RPN1: variants seen among roughly 807,000 people sequenced by gnomAD.
RPN1 encodes the protein dolichyl-diphosphooligosaccharide--protein glycosyltransferase subunit 1.
RPN1 carries 12 observed loss-of-function variants against 55.5 expected under a neutral mutation model. That is an observed-to-expected ratio of 0.22 (90% confidence interval 0.14 to 0.35). The LOEUF is 0.35. Ranked by LOEUF, RPN1 falls within the 10% of genes least tolerant of loss-of-function variation. RPN1 has a pLI of 1.00. For missense variants in RPN1, 679 were observed against 761.3 expected (o/e 0.89, Z 1.27); for synonymous variants, 317 against 305.9 (o/e 1.04, Z -0.38).
In RPN1 at chr3:128,632,129, T is replaced by C. The variant is rs759408661; in HGVS notation, c.662A>G (p.Asn221Ser). 4.3e-6 allele frequency: 7 copies of C among 1,614,212 alleles called. No individual in the cohort carries two copies. The highest frequency in any genetic ancestry group is 5.1e-6 in the Non-Finnish European group (6 of 1,180,044). The change falls in exon 4 of 10, where the codon AAC (asparagine) becomes AGC (serine). Residue 221 changes from asparagine to serine, a missense_variant. Around this residue, in one of 3 missense-constraint regions of RPN1, gnomAD observed 352 missense variants for 352.8 expected, o/e 1.00. Transcript: ENST00000296255. ...QDTFKVHYEN[N>S]SPFLTITSMT... ...GCTGGTGATGGTCAGGAAAGGGCTG[T>C]TGTTCTCATAATGTACTTTAAAAGT... is the stretch of plus-strand genomic sequence containing the variant.
intron 4 of RPN1, among the ~76,000 whole-genome samples, chr3:128,630,515 G>A (rs1160949697): frequency 6.6e-6 from 1 of 152,132 alleles, no homozygotes; most frequent in East Asian, 1.9e-4. Context: ...GTTACAGAAA[G>A]GGTTTTTCTA....
chr3:128,644,776 T>C (rs2069754217), intron 2 of RPN1, 143 bp downstream of exon 2: 3 of 648,670 alleles, frequency 4.6e-6, no homozygotes, highest in Admixed American at 2.7e-5. Flanking sequence ...CTGGGCAACA[T>C]AGCTAGACCT....
chr3:128,636,452 C>T (rs988037953), intron 3 of RPN1, among the ~76,000 whole-genome samples: 15 of 146,100 alleles, frequency 1.0e-4, no homozygotes, highest in African/African-American at 3.3e-4. Context: ...CAGATCAAGA[C>T]TCCTTCTCAA....
Position 128,620,267 on chromosome 3 carries a change from G to T in RPN1, c.*144C>A. 1.9e-6 allele frequency: 1 copy of T among 521,984 alleles called. No individual in the cohort carries two copies. Among genetic ancestry groups the T allele is most frequent in the Non-Finnish European group, 3.1e-6 (1 of 322,084 alleles). The allele number at this position is 521,984 out of a possible 1,614,324, so 32.3% of individuals were successfully genotyped here. ...AAACGGCAAACTCACACTGCCTGACGCAGGGCCTGGTTTCTCTTCCTTGAA... is the reference window on the plus strand; with the variant it reads ...AAACGGCAAACTCACACTGCCTGACTCAGGGCCTGGTTTCTCTTCCTTGAA... On this transcript the variant is annotated 3_prime_UTR_variant, in exon 10 of 10. Transcript: ENST00000296255.
intron 8 of RPN1, among the ~76,000 whole-genome samples, chr3:128,623,400 T>C (rs1459419531): frequency 6.6e-6 from 1 of 151,980 alleles, no homozygotes; most frequent in Admixed American, 6.5e-5. Flanking sequence ...TAGCCGGGCA[T>C]GGTGGTGCAT....
At chr3:128,632,250 G>A in intron 3 of RPN1, 93 bp from the exon 4 acceptor site, 1 of 1,085,118 alleles carries the variant, frequency 9.2e-7, no homozygotes, top group Non-Finnish European at 1.4e-6. Context: ...CTATATATCA[G>A]CAACAGAACG....
intron 2 of RPN1, among the ~76,000 whole-genome samples, chr3:128,641,552 T>C (rs2069724839): frequency 6.6e-6 from 1 of 151,962 alleles, no homozygotes; most frequent in Admixed American, 6.6e-5. Flanking sequence ...TAATTCAAAA[T>C]TTATTAAGTG....
At chr3:128,646,503 T>C (rs2069769712) in intron 1 of RPN1, among the ~76,000 whole-genome samples, 2 of 151,610 alleles carry the variant, frequency 1.3e-5, no homozygotes, top group Admixed American at 1.3e-4. Flanking sequence ...CTGGCCAATA[T>C]AGTGAAACTT....
intron 2 of RPN1, among the ~76,000 whole-genome samples, chr3:128,639,024 G>T (rs1230155875): frequency 6.6e-6 from 1 of 152,068 alleles, no homozygotes; most frequent in African/African-American, 2.4e-5. Flanking sequence ...TAGAAATATG[G>T]CTTCACACAA....
Position 128,647,887 on chromosome 3 carries a change from G to A in RPN1, c.261+2653C>T, listed in dbSNP as rs2069780653. 2.6e-5 allele frequency among the ~76,000 whole-genome samples: 4 copies of A among 152,106 alleles called. No homozygotes were observed. The South Asian group carries it at 8.3e-4, about 32-fold the overall frequency. On this transcript the variant is annotated intron_variant, in intron 1 of 9. Coordinates refer to ENST00000296255, the MANE Select transcript of RPN1 (RefSeq NM_002950.4). ...AGATGGGTCCTTGGTGGTAAAAAGA[G>A]AAGCAACCACTGGCTCCTAGTCAGT... is the stretch of plus-strand genomic sequence containing the variant.
intron 6 of RPN1, 45 bp downstream of exon 6, chr3:128,626,688 C>T (rs2069602079): frequency 1.3e-6 from 2 of 1,553,618 alleles, no homozygotes; most frequent in Non-Finnish European, 8.9e-7. Context: ...CACAAGGGTA[C>T]AACCAGAGAA....
chr3:128,650,459 G>A, intron 1 of RPN1, 81 bp downstream of exon 1: 1 of 1,381,422 alleles, frequency 7.2e-7, no homozygotes, highest in Admixed American at 2.3e-5. Context: ...GCCTAGAGGG[G>A]CGCGGGCGGA....
intron 2 of RPN1, among the ~76,000 whole-genome samples, chr3:128,641,401 T>C (rs748872076): frequency 1.3e-5 from 2 of 152,124 alleles, no homozygotes; most frequent in African/African-American, 2.4e-5. Flanking sequence ...CAACCCACCC[T>C]ACACAGCTTC....
At chr3:128,650,389 G>T in intron 1 of RPN1, 151 bp downstream of exon 1, 1 of 738,820 alleles carries the variant, frequency 1.4e-6, no homozygotes, top group Non-Finnish European at 2.0e-6. Flanking sequence ...CGCGGGCCCC[G>T]AGGCAATCCC....
At chr3:128,625,107 G>C (rs890004573) in intron 8 of RPN1, among the ~76,000 whole-genome samples, 1 of 152,196 alleles carries the variant, frequency 6.6e-6, no homozygotes, top group Admixed American at 6.5e-5. Context: ...AGGGAGCAGA[G>C]AGTGGGAGTG....
intron 1 of RPN1, 88 bp from the exon 2 acceptor site, chr3:128,645,071 C>A (rs2069756557): frequency 2.7e-6 from 2 of 750,670 alleles, no homozygotes; most frequent in African/African-American, 1.8e-5. Flanking sequence ...AGAACATCCC[C>A]ATTAAAGCAG....
chr3:128,628,282 C>T (rs2069615509), intron 5 of RPN1, among the ~76,000 whole-genome samples: 1 of 73,478 alleles, frequency 1.4e-5, no homozygotes, highest in African/African-American at 5.3e-5. Context: ...GCCTGGGCAA[C>T]AAAGTGAGAC....
chr3:128,644,652 T>G (rs1235109270), intron 2 of RPN1: 10 of 577,028 alleles, frequency 1.7e-5, no homozygotes, highest in Non-Finnish European at 3.2e-5. Flanking sequence ...AGACCCTGTC[T>G]CAAGAAAAAA....
intron 6 of RPN1, 40 bp downstream of exon 6, chr3:128,626,693 A>C: frequency 6.4e-7 from 1 of 1,570,458 alleles, no homozygotes; most frequent in Non-Finnish European, 8.8e-7. Flanking sequence ...GGGTACAACC[A>C]GAGAAATCGG....
Sources: allele counts gnomAD v4.1 joint callset (sites outside exome capture counted in the v4.1 genomes callset), GRCh38; gene constraint gnomAD v4.1.1; regional missense constraint gnomAD v4.1.1; transcripts MANE v1.5; gene names NCBI Gene and HGNC (gene_info 2026-07-23, HGNC 2026-07-21).